MBNL2: variants seen among roughly 807,000 people sequenced by gnomAD.
The protein encoded by MBNL2 is muscleblind-like protein 2.
In MBNL2, 17 loss-of-function variants were observed where a neutral mutation model predicts 41.9. The observed-to-expected ratio is 0.41, with a 90% CI of 0.28 to 0.61. The LOEUF (loss-of-function observed/expected upper bound fraction) is 0.61, where lower values mean the gene tolerates loss of function less well. MBNL2 is among the 20% of genes least tolerant of loss of function. The pLI is 0.35. For synonymous variants in MBNL2, 195 were observed against 182.9 expected, an observed-to-expected ratio of 1.07 and a Z score of -0.53; for missense variants, 336 against 505.6, an observed-to-expected ratio of 0.66 and a Z score of 3.22.
At chr13:97,286,536 T>C (rs755805854) in intron 2 of MBNL2, among the ~76,000 whole-genome samples, 4 of 152,214 alleles carry the variant, frequency 2.6e-5, no homozygotes, top group Non-Finnish European at 4.4e-5. Context: ...AAAACATAAG[T>C]CACAGCATGT....
chr13:97,371,978 G>C (rs2064429093), intron 8 of MBNL2, among the ~76,000 whole-genome samples: 1 of 152,078 alleles, frequency 6.6e-6, no homozygotes, highest in Non-Finnish European at 1.5e-5. Context: ...ATGAGACTCA[G>C]AGCCACAAAA....
At chr13:97,189,746 C>T in the MBNL2 span, among the ~76,000 whole-genome samples, 1 of 152,194 alleles carries the variant, frequency 6.6e-6, no homozygotes, top group East Asian at 1.9e-4. Flanking sequence ...GCTCATCTAT[C>T]ACCCTATGTA....
At chr13:97,314,118 A>G (rs1294212260) in intron 2 of MBNL2, among the ~76,000 whole-genome samples, 1 of 151,884 alleles carries the variant, frequency 6.6e-6, no homozygotes, top group Admixed American at 6.6e-5. Context: ...CACCTCTCCA[A>G]TCTTAAGTTA....
chr13:97,301,281 A>G (rs1000422798), intron 2 of MBNL2, among the ~76,000 whole-genome samples: 6 of 152,222 alleles, frequency 3.9e-5, no homozygotes, highest in African/African-American at 4.8e-5. Context: ...CCTACAACAC[A>G]TTATTAAAAT....
chr13:97,369,853 T>C (rs539948344), intron 8 of MBNL2, among the ~76,000 whole-genome samples: 13 of 152,276 alleles, frequency 8.5e-5, no homozygotes, highest in Non-Finnish European at 1.6e-4. Flanking sequence ...ATTATTTAGC[T>C]TTGGGAGCAG....
chr13:97,363,502 G>A lies in MBNL2; in HGVS notation c.1013-1634G>A, dbSNP rs187342171. On this transcript the variant is annotated intron_variant, in intron 7 of 8. Transcript: ENST00000679496. ...AGGGAAGAAAGTGGCTTCCGATGGA[G>A]GGAAGGGCGGAGTGCTGAATGCTGC... Among the ~76,000 whole-genome samples the A allele has an allele frequency of 5.3e-5, 8 of 151,824 alleles. No homozygotes were observed. The East Asian group carries it at 1.6e-3, about 30-fold the overall frequency.
the MBNL2 span, among the ~76,000 whole-genome samples, chr13:97,146,945 T>C: frequency 1.3e-5 from 2 of 152,214 alleles, no homozygotes; most frequent in Non-Finnish European, 2.9e-5. Flanking sequence ...GTTCCTGCTA[T>C]GCTATGGACC....
At chr13:97,342,583 G>A (rs560190667) in intron 3 of MBNL2, among the ~76,000 whole-genome samples, 135 of 152,236 alleles carry the variant, frequency 8.9e-4, no homozygotes, top group African/African-American at 3.2e-3. Context: ...CATAGACTTG[G>A]CCAACTTGAA....
At chr13:97,203,873 AATGGATGGATGG>A in the MBNL2 span, among the ~76,000 whole-genome samples, 1,156 of 149,578 alleles carry the variant, frequency 7.7e-3, 3 homozygotes, top group Non-Finnish European at 0.01. Flanking sequence ...ATGATAAGTG[AATGGATGGATGG>A]ATGGATGGAT....
upstream of MBNL2, chr13:97,222,272 C>T: frequency 2.5e-6 from 1 of 395,888 alleles, no homozygotes; most frequent in Non-Finnish European, 4.4e-6. Context: ...TGGGGATTGG[C>T]TGGCCCCGGC....
At chr13:97,156,778 A>G in the MBNL2 span, among the ~76,000 whole-genome samples, 3 of 152,072 alleles carry the variant, frequency 2.0e-5, no homozygotes, top group African/African-American at 2.4e-5. Flanking sequence ...TACCAGTGCC[A>G]TGCTGTTTTG....
chr13:97,147,417 T>G, the MBNL2 span, among the ~76,000 whole-genome samples: 5 of 152,194 alleles, frequency 3.3e-5, no homozygotes, highest in South Asian at 2.1e-4. Flanking sequence ...TTTGGCTGAG[T>G]GTAAAGCAAT....
At chr13:97,265,264 T>C (rs766596749) in intron 1 of MBNL2, among the ~76,000 whole-genome samples, 9 of 152,170 alleles carry the variant, frequency 5.9e-5, no homozygotes, top group Non-Finnish European at 8.8e-5. Flanking sequence ...ATAAGATACA[T>C]GAAAAAAAAG....
At chr13:97,310,440 T>C (rs2058488550) in intron 2 of MBNL2, among the ~76,000 whole-genome samples, 2 of 149,400 alleles carry the variant, frequency 1.3e-5, no homozygotes, top group Admixed American at 6.6e-5. Flanking sequence ...CTTTTTTTTC[T>C]TTTTTTTGAG....
the MBNL2 span, among the ~76,000 whole-genome samples, chr13:97,171,312 G>A: frequency 6.6e-6 from 1 of 152,118 alleles, no homozygotes. Flanking sequence ...GAGTCGTTAG[G>A]GATCTTGCCA....
chr13:97,269,884 C>T (rs543739129), intron 1 of MBNL2, among the ~76,000 whole-genome samples: 3 of 152,184 alleles, frequency 2.0e-5, no homozygotes, highest in East Asian at 3.8e-4. Flanking sequence ...ATGGAACTAT[C>T]GTAGAGAGAG....
At chr13:97,288,235 T>A (rs1296876080) in intron 2 of MBNL2, among the ~76,000 whole-genome samples, 3 of 152,172 alleles carry the variant, frequency 2.0e-5, no homozygotes, top group Non-Finnish European at 2.9e-5. Context: ...AAGGCAGGGA[T>A]CTATCTGTCC....
At chr13:97,287,170 C>T (rs1389404321) in intron 2 of MBNL2, among the ~76,000 whole-genome samples, 1 of 152,104 alleles carries the variant, frequency 6.6e-6, no homozygotes, top group Non-Finnish European at 1.5e-5. Context: ...CAGGCTCACT[C>T]GTGTATAGCT....
chr13:97,334,208 G>A lies in MBNL2; in HGVS notation c.175-68G>A. 8.1e-7 allele frequency: 1 copy of A among 1,232,964 alleles called. No homozygotes were observed. The highest frequency in any genetic ancestry group is 1.2e-6 in the Non-Finnish European group (1 of 864,820). The allele number at this position is 1,232,964 out of a possible 1,614,324, so 76.4% of individuals were successfully genotyped here. A position where few individuals can be genotyped will look rare whatever the true frequency, so the allele number is the denominator to read the frequency against. On this transcript the variant is annotated intron_variant, in intron 2 of 8. Transcript: ENST00000679496. The surrounding 1 kb of genome is among the most constrained non-coding windows in gnomAD (Gnocchi z 5.3). Reference sequence around the variant, plus strand: ...TTGCTTTTGTGCATAAGAAGTGATTGTTCAGTGGTTGACTTTGGAGTTGCA... The same window carrying A: ...TTGCTTTTGTGCATAAGAAGTGATTATTCAGTGGTTGACTTTGGAGTTGCA...
Sources: allele counts gnomAD v4.1 joint callset (sites outside exome capture counted in the v4.1 genomes callset), GRCh38; gene constraint gnomAD v4.1.1; non-coding constraint Gnocchi (gnomAD v3.1); transcripts MANE v1.5; gene names NCBI Gene and HGNC (gene_info 2026-07-23, HGNC 2026-07-21).